The following ENOX1 variants were observed in gnomAD, a reference collection of about 807,000 sequenced individuals.
The protein encoded by ENOX1 is candidate growth-related and time keeping constitutive hydroquinone (NADH) oxidase.
ENOX1 carries 42 observed loss-of-function variants against 82.5 expected under a neutral mutation model. That is an observed-to-expected ratio of 0.51 (90% CI 0.40 to 0.66). The LOEUF (loss-of-function observed/expected upper bound fraction) is 0.66, where lower values mean the gene tolerates loss of function less well. Ranked by LOEUF, ENOX1 falls within the 30% of genes least tolerant of loss-of-function variation. The probability of loss-of-function intolerance (pLI) is 0.00; values close to 1 mark genes in which losing one functional copy is unlikely to be tolerated. For missense variants in ENOX1, 608 were observed against 811.6 expected, an observed-to-expected ratio of 0.75 and a Z score of 3.05; for synonymous variants, 271 against 282.2, an observed-to-expected ratio of 0.96 and a Z score of 0.40.
chr13:43,497,548 T>C (rs1331096657), intron 2 of ENOX1, among the ~76,000 whole-genome samples: 4 of 152,188 alleles, frequency 2.6e-5, no homozygotes, highest in Non-Finnish European at 5.9e-5. Flanking sequence ...TATTAAAGAA[T>C]GCATACATAC....
At chr13:43,471,678 C>T (rs1198764778) in intron 3 of ENOX1, among the ~76,000 whole-genome samples, 1 of 151,868 alleles carries the variant, frequency 6.6e-6, no homozygotes, top group African/African-American at 2.4e-5. Flanking sequence ...GGCGTGGTGG[C>T]AGGCGCCTGT....
At chr13:43,539,702 A>T (rs776538312) in intron 2 of ENOX1, among the ~76,000 whole-genome samples, 1 of 152,190 alleles carries the variant, frequency 6.6e-6, no homozygotes, top group Non-Finnish European at 1.5e-5. Context: ...CATATTATTT[A>T]AACTTTCTAA....
In ENOX1 at chr13:43,527,147, G is replaced by A. The variant is rs1593640931; in HGVS notation, c.-218-42995C>T. On this transcript the variant is annotated intron_variant, in intron 2 of 16. Transcript: ENST00000690772. ...TGTTACAGCAACACTAATGAACTAA[G>A]ACACACGGCAAGACAGAACCTCCCT... Among the ~76,000 whole-genome samples, 3 of 151,584 alleles carry A rather than the reference G, an allele frequency of 2.0e-5. No individual in the cohort carries two copies. In the South Asian group the frequency reaches 6.2e-4, roughly 31 times the overall value.
In ENOX1 at chr13:43,453,811, T is replaced by C. The variant is rs576195928; in HGVS notation, c.-75+30198A>G. ...GTGTGAATGGAAGGTGAACAATAAT[T>C]GCACTACAAGCAAAGGAACAGATAA... On this transcript the variant is annotated intron_variant, in intron 3 of 16. Transcript: ENST00000690772. 5.9e-5 allele frequency among the ~76,000 whole-genome samples: 9 copies of C among 152,246 alleles called. No homozygotes were observed. The South Asian group carries it at 1.7e-3, about 28-fold the overall frequency.
chr13:43,515,631 A>G (rs376308388), intron 2 of ENOX1, among the ~76,000 whole-genome samples: 1 of 152,178 alleles, frequency 6.6e-6, no homozygotes, highest in East Asian at 1.9e-4. Flanking sequence ...GACTTCCCTC[A>G]AATTACACAC....
At chr13:43,431,715 A>G (rs2055676064) in intron 3 of ENOX1, among the ~76,000 whole-genome samples, 1 of 152,210 alleles carries the variant, frequency 6.6e-6, no homozygotes, top group Non-Finnish European at 1.5e-5. Context: ...ATAAATATGT[A>G]TAAACACACC....
At chr13:43,437,619 G>A (rs79931269) in intron 3 of ENOX1, among the ~76,000 whole-genome samples, 6,534 of 152,228 alleles carry the variant, frequency 0.043, 486 homozygotes, top group African/African-American at 0.15. Context: ...GAAGTAAAGC[G>A]GATATAGAAG....
chr13:43,636,435 G>A (rs944909554), intron 2 of ENOX1, among the ~76,000 whole-genome samples: 4 of 152,110 alleles, frequency 2.6e-5, no homozygotes, highest in African/African-American at 4.8e-5. Context: ...GTTTGTCTTT[G>A]AGCATTATCA....
At chr13:43,728,905 G>A (rs1180256928) in intron 1 of ENOX1, among the ~76,000 whole-genome samples, 1 of 152,208 alleles carries the variant, frequency 6.6e-6, no homozygotes, top group Non-Finnish European at 1.5e-5. Context: ...AATATGGAAA[G>A]TATCATTAAG....
At chr13:43,679,914 A>T (rs954902831) in intron 1 of ENOX1, among the ~76,000 whole-genome samples, 1 of 152,250 alleles carries the variant, frequency 6.6e-6, no homozygotes, top group Non-Finnish European at 1.5e-5. Context: ...AAGAGTAGAC[A>T]TATTGACCTT....
chr13:43,726,753 T>TGTGA (rs60690794), intron 1 of ENOX1, among the ~76,000 whole-genome samples: 1,439 of 141,054 alleles, frequency 0.01, 13 homozygotes, highest in South Asian at 0.024. Flanking sequence ...TGTGTGTGTG[T>TGTGA]GAGAGAGAGA....
chr13:43,219,737 C>T (rs949502050), intron 16 of ENOX1, among the ~76,000 whole-genome samples: 5 of 152,144 alleles, frequency 3.3e-5, no homozygotes, highest in African/African-American at 7.2e-5. Flanking sequence ...CCTCCTTGCC[C>T]GGCCTCTAAT....
At chr13:43,785,923 G>T (rs537155388) in intron 1 of ENOX1, among the ~76,000 whole-genome samples, 28 of 152,222 alleles carry the variant, frequency 1.8e-4, no homozygotes, top group African/African-American at 6.5e-4. Flanking sequence ...CCGGAGAGGC[G>T]GGGAGGCGGC....
chr13:43,500,349 C>T (rs2076937125), intron 2 of ENOX1, among the ~76,000 whole-genome samples: 1 of 152,112 alleles, frequency 6.6e-6, no homozygotes, highest in African/African-American at 2.4e-5. Flanking sequence ...AAGGACTCCT[C>T]ACATATATAA....
intron 2 of ENOX1, chr13:43,543,913 C>CTTTTTTTTTTTTTTTTT (rs11324994): frequency 1.0e-5 from 1 of 97,422 alleles, no homozygotes; most frequent in Non-Finnish European, 2.0e-5. Flanking sequence ...TTTTCTTTTT[C>CTTTTTTTTTTTTTTTTT]TTTTTTTTTT....
rs1334698817 is a variant in ENOX1, at chr13:43,496,393, T to C, written c.-218-12241A>G. Among the ~76,000 whole-genome samples the C allele has an allele frequency of 2.0e-5, 3 of 152,188 alleles. No individual in the cohort carries two copies. The East Asian group carries it at 5.8e-4, about 29-fold the overall frequency. On this transcript the variant is annotated intron_variant, in intron 2 of 16. Transcript: ENST00000690772. The stretch of plus-strand genomic sequence containing the variant: ...ATTGGCTCTTTTTCTTTTTCTATTT[T>C]TTTTTTTAAGAGACTGTGTCTTACT...
intron 14 of ENOX1, among the ~76,000 whole-genome samples, chr13:43,259,954 C>A (rs1159993463): frequency 6.6e-6 from 1 of 152,144 alleles, no homozygotes; most frequent in African/African-American, 2.4e-5. Context: ...AGATACGGTC[C>A]CATTCTTTCG....
chr13:43,684,767 C>T (rs1168240086), intron 1 of ENOX1, among the ~76,000 whole-genome samples: 1 of 152,152 alleles, frequency 6.6e-6, no homozygotes, highest in Non-Finnish European at 1.5e-5. Flanking sequence ...TAAGCCAATG[C>T]TTCTTTCTGC....
At chr13:43,320,275 C>G (rs2047729131) in intron 11 of ENOX1, among the ~76,000 whole-genome samples, 1 of 152,258 alleles carries the variant, frequency 6.6e-6, no homozygotes, top group African/African-American at 2.4e-5. Context: ...AGACTTTGAA[C>G]TGCTCGGGGC....
Sources: allele counts gnomAD v4.1 joint callset (sites outside exome capture counted in the v4.1 genomes callset), GRCh38; gene constraint gnomAD v4.1.1; transcripts MANE v1.5; gene names NCBI Gene and HGNC (gene_info 2026-07-23, HGNC 2026-07-21).